The following GPHN variants were observed in gnomAD, a reference collection of about 807,000 sequenced individuals.
GPHN encodes gephyrin.
Under a neutral mutation model 95.5 loss-of-function variants are expected in GPHN, and 17 were observed. That is an observed-to-expected ratio of 0.18 (90% CI 0.12 to 0.27). The LOEUF (loss-of-function observed/expected upper bound fraction) is 0.27, where lower values mean the gene tolerates loss of function less well. Among genes scored for constraint, GPHN ranks in the 10% least tolerant of loss-of-function variants. GPHN has a pLI of 1.00. For missense variants in GPHN, 660 were observed against 978.1 expected (o/e 0.67, Z 4.34); for synonymous variants, 320 against 322.5 (o/e 0.99, Z 0.08).
At chr14:66,511,142 G>C (rs759805474) in intron 1 of GPHN, among the ~76,000 whole-genome samples, 12 of 152,066 alleles carry the variant, frequency 7.9e-5, no homozygotes, top group Non-Finnish European at 1.6e-4. Flanking sequence ...GTAACTAGTG[G>C]GTTTCATTAT....
At chr14:67,199,916 C>CCA in the GPHN span, 1 of 1,474,308 alleles carries the variant, frequency 6.8e-7, no homozygotes, top group East Asian at 2.3e-5. Context: ...GCAGGACATC[C>CCA]TGGTCATGGA....
At chr14:67,651,193 C>T in the GPHN span, 2 of 1,124,668 alleles carry the variant, frequency 1.8e-6, no homozygotes, top group Admixed American at 5.5e-5. Context: ...GTATATCATA[C>T]TGGTCTTGTT....
At chr14:66,731,785 CA>C (rs2071787334) in intron 2 of GPHN, among the ~76,000 whole-genome samples, 1 of 152,168 alleles carries the variant, frequency 6.6e-6, no homozygotes, top group Admixed American at 6.5e-5. Flanking sequence ...CCCCTCCCAT[CA>C]CAGGCCCAGT....
At chr14:67,391,271 ATGTGTGTGTGTGTGTGTGTGTG>A in the GPHN span, among the ~76,000 whole-genome samples, 3 of 143,800 alleles carry the variant, frequency 2.1e-5, no homozygotes, top group Non-Finnish European at 4.6e-5. Flanking sequence ...AGCAGCTGAT[ATGTGTGTGTGTGTGTGTGTGTG>A]TGTGTGTGTG....
At chr14:67,567,545 G>A in the GPHN span, among the ~76,000 whole-genome samples, 4 of 151,860 alleles carry the variant, frequency 2.6e-5, no homozygotes, top group African/African-American at 4.8e-5. Flanking sequence ...TGCCCTACAC[G>A]AGCACAGAAA....
chr14:66,632,513 G>C (rs1214699085), intron 1 of GPHN, among the ~76,000 whole-genome samples: 1 of 129,398 alleles, frequency 7.7e-6, no homozygotes, highest in Admixed American at 7.8e-5. Context: ...TTTTTTTTTG[G>C]GATGGAGTTT....
In GPHN at chr14:67,100,900, G is replaced by A. The variant is rs1460854381; in HGVS notation, c.1282G>A (p.Ala428Thr). The A allele has an allele frequency of 2.5e-6, 4 of 1,597,786 alleles. No homozygotes were observed. The highest frequency in any genetic ancestry group is 3.4e-6 in the Non-Finnish European group (4 of 1,165,204). ...GDRFIIGESQ[A>T]GEQPTQTVMP... ...TCGTTTCATCATTGGGGAATCCCAAGCTGGTGAACAGGTGAGATTGATAGG... is the reference window on the plus strand; with the variant it reads ...TCGTTTCATCATTGGGGAATCCCAAACTGGTGAACAGGTGAGATTGATAGG... The change falls in exon 13 of 23, where the codon GCT (alanine) becomes ACT (threonine). Residue 428 changes from alanine to threonine, a missense_variant. By Grantham distance (58) the Ala-to-Thr change is moderately conservative (BLOSUM62 0). This residue lies in a region of GPHN where 257 missense variants were observed against 376.2 expected (regional missense o/e 0.68). Transcript: ENST00000478722.
At chr14:67,403,790 G>A in the GPHN span, among the ~76,000 whole-genome samples, 311 of 152,330 alleles carry the variant, frequency 2.0e-3, no homozygotes, top group African/African-American at 7.1e-3. Context: ...AGTGGCTCAC[G>A]CCTATAATCC....
At chr14:67,562,996 A>T in the GPHN span, 6 of 1,217,692 alleles carry the variant, frequency 4.9e-6, no homozygotes, top group Non-Finnish European at 6.7e-6. Context: ...GGCTGCTGGC[A>T]TCCTCATGGT....
At chr14:67,523,876 G>A in the GPHN span, among the ~76,000 whole-genome samples, 2 of 151,856 alleles carry the variant, frequency 1.3e-5, no homozygotes, top group East Asian at 1.9e-4. Flanking sequence ...GTAATGTCAG[G>A]TATAGAGCTG....
the GPHN span, among the ~76,000 whole-genome samples, chr14:67,621,687 C>T: frequency 9.1e-4 from 138 of 151,476 alleles, 1 homozygote; most frequent in Non-Finnish European, 2.9e-4. Flanking sequence ...TCAGGTGATC[C>T]GCCCACCTCA....
chr14:66,571,392 A>G (rs1003173170), intron 1 of GPHN, among the ~76,000 whole-genome samples: 2 of 152,184 alleles, frequency 1.3e-5, no homozygotes, highest in African/African-American at 4.8e-5. Context: ...CACAGAGCCA[A>G]ACCATTATCA....
At chr14:67,098,831 A>G (rs934983823) in intron 12 of GPHN, among the ~76,000 whole-genome samples, 2 of 151,996 alleles carry the variant, frequency 1.3e-5, no homozygotes, top group African/African-American at 4.8e-5. Context: ...TCAAAAAAAA[A>G]AAAAAGAAAA....
At chr14:67,156,894 A>T in intron 18 of GPHN, among the ~76,000 whole-genome samples, 1 of 151,782 alleles carries the variant, frequency 6.6e-6, no homozygotes, top group South Asian at 2.1e-4. Flanking sequence ...GTTTGAACCC[A>T]GGAGACAGAG....
intron 1 of GPHN, among the ~76,000 whole-genome samples, chr14:66,519,636 C>T (rs965348502): frequency 6.6e-5 from 10 of 152,126 alleles, no homozygotes; most frequent in East Asian, 1.9e-4. Flanking sequence ...CTGTTTAATA[C>T]GTGTTGGCTG....
At chr14:67,733,702 C>G in the GPHN span, 1 of 1,309,948 alleles carries the variant, frequency 7.6e-7, no homozygotes, top group African/African-American at 1.4e-5. Flanking sequence ...TTCCAGACTG[C>G]TAATTCTCAT....
chr14:67,673,703 C>T, the GPHN span, among the ~76,000 whole-genome samples: 1 of 152,180 alleles, frequency 6.6e-6, no homozygotes. Context: ...AAGTTTTGTC[C>T]TTGCCATCAA....
chr14:67,678,117 AG>A, the GPHN span: 532 of 510,042 alleles, frequency 1.0e-3, 1 homozygote, highest in Non-Finnish European at 1.6e-3. Context: ...TGGCAGTAAC[AG>A]AAGCAAAGTA....
the GPHN span, among the ~76,000 whole-genome samples, chr14:67,663,587 T>C: frequency 6.6e-6 from 1 of 150,922 alleles, no homozygotes; most frequent in South Asian, 2.1e-4. Flanking sequence ...GGCAGGAGAA[T>C]GGTGTGAACC....
Sources: gnomAD v4.1 joint callset for allele counts (sites outside exome capture counted in the v4.1 genomes callset) on GRCh38, gnomAD v4.1.1 for gene constraint, gnomAD v4.1.1 regional missense constraint, MANE v1.5 for transcripts, NCBI Gene and HGNC (gene_info 2026-07-23, HGNC 2026-07-21) for gene names.